The following CACNB2 variants were observed in gnomAD, a reference collection of about 807,000 sequenced individuals.
CACNB2 encodes calcium voltage-gated channel auxiliary subunit beta 2.
In CACNB2, 42 loss-of-function variants were observed where a neutral mutation model predicts 73.3. The observed-to-expected ratio is 0.57, with a 90% CI of 0.45 to 0.74. CACNB2 has a LOEUF of 0.74. Among genes scored for constraint, CACNB2 ranks in the 30% least tolerant of loss-of-function variants. CACNB2 has a pLI of 0.00. For synonymous variants in CACNB2, 348 were observed against 310.3 expected (o/e 1.12, Z -1.28); for missense variants, 940 against 853.0 (o/e 1.10, Z -1.27).
intron 2 of CACNB2, among the ~76,000 whole-genome samples, chr10:18,268,101 G>A (rs1223913951): frequency 1.3e-5 from 2 of 152,204 alleles, no homozygotes; most frequent in African/African-American, 4.8e-5. Flanking sequence ...AACTTCTCCA[G>A]TGCTGAAAAA....
At chr10:18,167,540 C>G (rs2032938917) in intron 2 of CACNB2, among the ~76,000 whole-genome samples, 2 of 152,166 alleles carry the variant, frequency 1.3e-5, no homozygotes, top group African/African-American at 4.8e-5. Flanking sequence ...ACCAGTTTCC[C>G]TCTTACTGGG....
intron 2 of CACNB2, among the ~76,000 whole-genome samples, chr10:18,153,650 C>T (rs1304486947): frequency 4.7e-5 from 7 of 150,042 alleles, no homozygotes; most frequent in African/African-American, 1.5e-4. Context: ...GGCGCGATCT[C>T]GGCTCACTAC....
At chr10:18,192,116 C>T (rs1461577992) in intron 2 of CACNB2, among the ~76,000 whole-genome samples, 3 of 151,718 alleles carry the variant, frequency 2.0e-5, no homozygotes, top group Non-Finnish European at 4.4e-5. Context: ...CTCTGATCTC[C>T]AGCAAATGCA....
chr10:18,178,395 A>G (rs2033711080), intron 2 of CACNB2, among the ~76,000 whole-genome samples: 1 of 152,194 alleles, frequency 6.6e-6, no homozygotes. Context: ...AGAAATGTTG[A>G]TTAAATATCT....
intron 2 of CACNB2, among the ~76,000 whole-genome samples, chr10:18,313,620 A>C (rs1178966414): frequency 6.6e-6 from 1 of 152,170 alleles, no homozygotes; most frequent in Non-Finnish European, 1.5e-5. Flanking sequence ...CGGGGTCTAA[A>C]GAGGAGAATG....
At position 18,230,343 on chromosome 10, in the gene CACNB2, C is replaced by A. The variant is rs565971541; in HGVS notation, c.213+79368C>A. Among the ~76,000 whole-genome samples the A allele has an allele frequency of 2.0e-5, 3 of 152,292 alleles. No homozygotes were observed. In the South Asian group the frequency reaches 6.2e-4, roughly 32 times the overall value. ...AATGAACCCTCTCTTCTACAGAAAA[C>A]TTCTTCTTTCACACTCAAGTTGCCT... is the stretch of plus-strand genomic sequence containing the variant. On this transcript the variant is annotated intron_variant, in intron 2 of 13. Transcript: ENST00000324631.
intron 2 of CACNB2, among the ~76,000 whole-genome samples, chr10:18,303,236 C>T (rs1007998985): frequency 6.6e-5 from 10 of 152,194 alleles, no homozygotes; most frequent in African/African-American, 2.4e-4. Flanking sequence ...GGCATGGTGA[C>T]TCATCCCTGT....
In CACNB2 at chr10:18,539,789, A is replaced by G. The variant is rs892496061; in HGVS notation, c.*65A>G. The G allele has an allele frequency of 1.3e-6, 2 of 1,510,498 alleles. No homozygotes were observed. The highest frequency in any genetic ancestry group is 2.0e-5 in the Admixed American group (1 of 49,704). 93.6% of individuals were successfully genotyped at this position (1,510,498 alleles called of 1,614,324 possible). A position where few individuals can be genotyped will look rare whatever the true frequency, so the allele number is the denominator to read the frequency against. On this transcript the variant is annotated 3_prime_UTR_variant, in exon 14 of 14. Transcript: ENST00000324631. ...TCTTGTATAACTAACAGCATCCCCAAAACAAAGTCTTTGGGGTCTACACTG... is the reference window on the plus strand; with the variant it reads ...TCTTGTATAACTAACAGCATCCCCAGAACAAAGTCTTTGGGGTCTACACTG...
intron 2 of CACNB2, among the ~76,000 whole-genome samples, chr10:18,365,596 C>G (rs2042314333): frequency 6.6e-6 from 1 of 151,940 alleles, no homozygotes. Context: ...GAAATCCTGT[C>G]CTTGTACTAC....
At chr10:18,210,216 G>A (rs574330127) in intron 2 of CACNB2, among the ~76,000 whole-genome samples, 2 of 152,176 alleles carry the variant, frequency 1.3e-5, no homozygotes, top group South Asian at 2.1e-4. Flanking sequence ...AAATACATTC[G>A]TGGTGGTGGC....
intron 2 of CACNB2, among the ~76,000 whole-genome samples, chr10:18,338,786 T>G (rs1268325129): frequency 7.0e-6 from 1 of 142,236 alleles, no homozygotes; most frequent in Non-Finnish European, 1.5e-5. Context: ...CCACCCAGGC[T>G]GCAGTGCAGT....
intron 3 of CACNB2, among the ~76,000 whole-genome samples, chr10:18,470,229 G>A (rs1162135666): frequency 2.0e-5 from 3 of 151,194 alleles, no homozygotes; most frequent in African/African-American, 7.3e-5. Flanking sequence ...CCTCATGCAT[G>A]TAATCCCAGC....
At chr10:18,368,286 G>T (rs899876919) in intron 2 of CACNB2, among the ~76,000 whole-genome samples, 12 of 152,086 alleles carry the variant, frequency 7.9e-5, no homozygotes, top group Non-Finnish European at 1.6e-4. Flanking sequence ...TCTGTCTCTT[G>T]TTTTTCGCCC....
chr10:18,151,041 T>C (rs981323586), intron 2 of CACNB2, 66 bp downstream of exon 2: 38 of 982,954 alleles, frequency 3.9e-5, no homozygotes, highest in Non-Finnish European at 6.1e-5. Flanking sequence ...TAAAGGTGGG[T>C]TTCACTCTTT....
chr10:18,533,118 G>A (rs1398075155), intron 10 of CACNB2: 1 of 152,144 alleles, frequency 6.6e-6, no homozygotes, highest in Non-Finnish European at 1.5e-5. Flanking sequence ...GAATTAAAAG[G>A]TAATTGTAAA....
At chr10:18,483,028 T>C (rs1386106640) in intron 3 of CACNB2, among the ~76,000 whole-genome samples, 5 of 152,076 alleles carry the variant, frequency 3.3e-5, no homozygotes, top group South Asian at 2.1e-4. Context: ...AGAGCAACAA[T>C]TGGTCACTAA....
chr10:18,241,990 A>C (rs2131508825), intron 2 of CACNB2, among the ~76,000 whole-genome samples: 1 of 152,176 alleles, frequency 6.6e-6, no homozygotes, highest in African/African-American at 2.4e-5. Flanking sequence ...ATAGTCAACC[A>C]CCAATTTTAT....
chr10:18,463,838 A>G (rs2047718228), intron 3 of CACNB2, among the ~76,000 whole-genome samples: 1 of 151,642 alleles, frequency 6.6e-6, no homozygotes, highest in South Asian at 2.1e-4. Context: ...AGAGCCCAAA[A>G]CACCACATCC....
intron 2 of CACNB2, among the ~76,000 whole-genome samples, chr10:18,328,459 T>C (rs2040670290): frequency 6.6e-6 from 1 of 152,218 alleles, no homozygotes. Context: ...TTAGGTATCA[T>C]ACTCATTATA....
Sources: gnomAD v4.1 joint callset for allele counts (sites outside exome capture counted in the v4.1 genomes callset) on GRCh38, gnomAD v4.1.1 for gene constraint, MANE v1.5 for transcripts, NCBI Gene and HGNC (gene_info 2026-07-23, HGNC 2026-07-21) for gene names.